The following RAD51AP1 variants were observed in gnomAD, a reference collection of about 807,000 sequenced individuals.
RAD51AP1 encodes RAD51 associated protein 1, also known as RAD51-associated protein 1.
In RAD51AP1, 14 loss-of-function variants were observed where a neutral mutation model predicts 34.3. The ratio of observed to expected loss-of-function variants is 0.41; its 90% CI spans 0.27 to 0.64. The LOEUF (loss-of-function observed/expected upper bound fraction) is 0.64. Among genes scored for constraint, RAD51AP1 ranks in the 30% least tolerant of loss-of-function variants. The pLI is 0.33. For synonymous variants in RAD51AP1, 114 were observed against 129.8 expected (o/e 0.88, Z 0.83); for missense variants, 348 against 386.9 (o/e 0.90, Z 0.84).
In RAD51AP1 at chr12:4,559,655, G is replaced by A. The variant is rs1193713168; in HGVS notation, c.*662G>A. The A allele has an allele frequency of 2.0e-5, 3 of 152,112 alleles. No individual in the cohort carries two copies. The highest frequency in any genetic ancestry group is 2.1e-4 in the South Asian group (1 of 4,826). The allele number at this position is 152,112 out of a possible 1,614,324, so 9.4% of individuals were successfully genotyped here. On this transcript the variant is annotated 3_prime_UTR_variant, in exon 9 of 9. Transcript: ENST00000352618. Reference sequence around the variant, plus strand: ...CTTTTTCTTGATACCACTCATCCACGTGTTCCTGATTGTCCACATTTCATG... The same window carrying A: ...CTTTTTCTTGATACCACTCATCCACATGTTCCTGATTGTCCACATTTCATG...
At chr12:4,556,322 CAA>C (rs1944582133) in intron 7 of RAD51AP1, 29 bp from the exon 8 acceptor site, 2 of 1,547,884 alleles carry the variant, frequency 1.3e-6, no homozygotes, top group African/African-American at 2.7e-5. Context: ...TCCTGCATGA[CAA>C]ACATTTTTAC....
chr12:4,559,225 G>A lies in RAD51AP1; in HGVS notation c.*232G>A, dbSNP rs1944604204. 6 of 414,768 alleles carry A rather than the reference G, an allele frequency of 1.4e-5. No individual in the cohort carries two copies. The highest frequency in any genetic ancestry group is 6.2e-5 in the African/African-American group (3 of 48,520). The allele number at this position is 414,768 out of a possible 1,614,324, so 25.7% of individuals were successfully genotyped here. ...TCTCATACCTTTCCTTGTGAAGAGC[G>A]TATTCTGTTTTTCTATCAGTTCGAC... On this transcript the variant is annotated 3_prime_UTR_variant, in exon 9 of 9. Coordinates refer to ENST00000352618, the MANE Select transcript of RAD51AP1 (RefSeq NM_006479.5).
chr12:4,545,922 A>T, intron 3 of RAD51AP1: 1 of 1,455,038 alleles, frequency 6.9e-7, no homozygotes, highest in Non-Finnish European at 9.5e-7. Flanking sequence ...TGTAAGAGCT[A>T]TAAAATCTGC....
rs753801125 is a variant in RAD51AP1, at chr12:4,548,159, T to A, written c.387T>A (p.Ser129Arg). 5 of 1,600,146 alleles carry A rather than the reference T, an allele frequency of 3.1e-6. No individual in the cohort carries two copies. The highest frequency in any genetic ancestry group is 2.3e-5 in the South Asian group (2 of 86,222). The change falls in exon 5 of 9, where the codon AGT (serine) becomes AGA (arginine). Residue 129 changes from serine (S) to arginine (R), a missense_variant. Ser to Arg is a moderately radical substitution (Grantham distance 110). Coordinates refer to ENST00000352618, the MANE Select transcript of RAD51AP1 (RefSeq NM_006479.5). ...MNKSPHISNC[S>R]VASDYLDLDK... ...AGTCTCCTCATATCTCTAATTGCAG[T>A]GTAGCCAGTGATTATTTAGGTAAGT...
At chr12:4,548,218 CT>C (rs1944520975) in intron 5 of RAD51AP1, 40 bp downstream of exon 5, 3 of 1,575,976 alleles carry the variant, frequency 1.9e-6, no homozygotes, top group Non-Finnish European at 2.6e-6. Context: ...ATCAACAATG[CT>C]GTTTCTCTGA....
At chr12:4,557,819 G>C (rs1348511687) in intron 8 of RAD51AP1, among the ~76,000 whole-genome samples, 2 of 152,092 alleles carry the variant, frequency 1.3e-5, no homozygotes, top group Non-Finnish European at 2.9e-5. Flanking sequence ...GGACTCAGGA[G>C]CGCGTACCCT....
chr12:4,550,906 T>G (rs1303119773), intron 6 of RAD51AP1, among the ~76,000 whole-genome samples: 1 of 152,180 alleles, frequency 6.6e-6, no homozygotes, highest in African/African-American at 2.4e-5. Flanking sequence ...TACCAAAGTG[T>G]TGGGATTACA....
At chr12:4,552,592 G>A (rs1375671079) in intron 6 of RAD51AP1, among the ~76,000 whole-genome samples, 3 of 152,170 alleles carry the variant, frequency 2.0e-5, no homozygotes, top group African/African-American at 7.2e-5. Context: ...AAGTCACTGA[G>A]TTAAAATGGT....
At chr12:4,557,202 C>G (rs1944588764) in intron 8 of RAD51AP1, among the ~76,000 whole-genome samples, 2 of 152,202 alleles carry the variant, frequency 1.3e-5, no homozygotes, top group South Asian at 4.1e-4. Flanking sequence ...ATGTATGCCT[C>G]TCTCAGGGCC....
At chr12:4,547,943 T>C (rs1255197054) in intron 4 of RAD51AP1, 149 bp from the exon 5 acceptor site, 1 of 822,846 alleles carries the variant, frequency 1.2e-6, no homozygotes, top group African/African-American at 1.8e-5. Flanking sequence ...TAACCATATG[T>C]TAACCTCTCT....
chr12:4,548,025 T>G (rs1428739690), intron 4 of RAD51AP1, 67 bp from the exon 5 acceptor site: 1 of 1,454,226 alleles, frequency 6.9e-7, no homozygotes, highest in Non-Finnish European at 9.3e-7. Flanking sequence ...ATTTTAGTAC[T>G]AATTTTCCTA....
Position 4,556,457 on chromosome 12 carries a change from C to CGCA in RAD51AP1, c.828_830dup (p.Ser277dup). On this transcript the variant is annotated inframe_insertion, in exon 8 of 9. Transcript: ENST00000352618. ...TACCACTAGGAAACCATTAGAAATA[C>CGCA]GCAGTCCTTCAGCTGAAAGCAAGAA... The CGCA allele has an allele frequency of 6.2e-7, 1 of 1,613,434 alleles. No homozygotes were observed. The highest frequency in any genetic ancestry group is 8.5e-7 in the Non-Finnish European group (1 of 1,179,418).
At chr12:4,542,209 T>C (rs1227102666) in intron 2 of RAD51AP1, among the ~76,000 whole-genome samples, 1 of 152,190 alleles carries the variant, frequency 6.6e-6, no homozygotes, top group African/African-American at 2.4e-5. Flanking sequence ...TGTCTCCTAT[T>C]CCATCCCTGA....
chr12:4,551,746 A>C (rs191411957), intron 6 of RAD51AP1, among the ~76,000 whole-genome samples: 2 of 152,336 alleles, frequency 1.3e-5, no homozygotes, highest in Admixed American at 1.3e-4. Context: ...GAAAATGCTT[A>C]TGTTTTTTAG....
chr12:4,539,218 C>T (rs1170419321), intron 1 of RAD51AP1, among the ~76,000 whole-genome samples: 2 of 152,168 alleles, frequency 1.3e-5, no homozygotes, highest in Non-Finnish European at 2.9e-5. Context: ...CAGCGCTTTA[C>T]ATTTCACCGA....
At chr12:4,554,144 A>G (rs1293731602) in intron 7 of RAD51AP1, among the ~76,000 whole-genome samples, 1 of 152,190 alleles carries the variant, frequency 6.6e-6, no homozygotes, top group Non-Finnish European at 1.5e-5. Context: ...GTAGTCAGCA[A>G]AACTGTGGTC....
chr12:4,550,309 C>T lies in RAD51AP1; in HGVS notation c.556+1473C>T, dbSNP rs79980207. 2.8e-3 allele frequency among the ~76,000 whole-genome samples: 431 copies of T among 152,340 alleles called. 14 individuals carry two copies. In the East Asian group the frequency reaches 0.079, roughly 28 times the overall value. On this transcript the variant is annotated intron_variant, in intron 6 of 8. Transcript: ENST00000352618. Reference sequence around the variant, plus strand: ...ATCCTCTTGAGCCAAGAAGAGAATCCTTCAGACTTCTAAGTTACTGAACAC... The same window carrying T: ...ATCCTCTTGAGCCAAGAAGAGAATCTTTCAGACTTCTAAGTTACTGAACAC...
chr12:4,550,768 T>G (rs1004532590), intron 6 of RAD51AP1, among the ~76,000 whole-genome samples: 1 of 152,236 alleles, frequency 6.6e-6, no homozygotes, highest in South Asian at 2.1e-4. Context: ...GCCTCCCAAG[T>G]AGCTGGGACT....
chr12:4,555,400 C>G (rs544059692), intron 7 of RAD51AP1, among the ~76,000 whole-genome samples: 19 of 152,230 alleles, frequency 1.2e-4, no homozygotes, highest in African/African-American at 4.3e-4. Context: ...TTCCTCTTAC[C>G]TGATTACCAT....
Sources: gnomAD v4.1 joint callset for allele counts (sites outside exome capture counted in the v4.1 genomes callset) on GRCh38, gnomAD v4.1.1 for gene constraint, MANE v1.5 for transcripts, NCBI Gene and HGNC (gene_info 2026-07-23, HGNC 2026-07-21) for gene names.